RFNG: variants seen among roughly 807,000 people sequenced by gnomAD.
RFNG encodes RFNG O-fucosylpeptide 3-beta-N-acetylglucosaminyltransferase, also known as beta-1,3-N-acetylglucosaminyltransferase radical fringe.
In RFNG, 37 loss-of-function variants were observed where a neutral mutation model predicts 29.6. The observed-to-expected ratio is 1.25, with a 90% CI of 0.96 to 1.65. RFNG has a LOEUF of 1.65. RFNG is among the 40% of genes most tolerant of loss of function. The probability of loss-of-function intolerance (pLI) is 0.00; values close to 1 mark genes in which losing one functional copy is unlikely to be tolerated. For synonymous variants in RFNG, 276 were observed against 197.3 expected (o/e 1.40, Z -3.34); for missense variants, 546 against 457.0 (o/e 1.19, Z -1.78).
Position 82,051,456 on chromosome 17 carries a change from C to T in RFNG, c.267+44G>A. 1 of 1,327,982 alleles carries T rather than the reference C, an allele frequency of 7.5e-7. No individual in the cohort carries two copies. Among genetic ancestry groups the T allele is most frequent in the Non-Finnish European group, 9.6e-7 (1 of 1,036,594 alleles). 82.3% of individuals were successfully genotyped at this position (1,327,982 alleles called of 1,614,324 possible). On this transcript the variant is annotated intron_variant, in intron 1 of 7. Coordinates refer to ENST00000310496, the MANE Select transcript of RFNG (RefSeq NM_002917.2). The surrounding 1 kb of genome is among the most constrained non-coding windows in gnomAD (Gnocchi z 4.1). ...CGGGCCTAGACCCTGGGAGGCGGGGCGGGTGGGCGTGGGGCTCGCCGTCGG... is the reference window on the plus strand; with the variant it reads ...CGGGCCTAGACCCTGGGAGGCGGGGTGGGTGGGCGTGGGGCTCGCCGTCGG...
Position 82,048,718 on chromosome 17 carries a change from G to A in RFNG, c.*8C>T, listed in dbSNP as rs375953555. On this transcript the variant is annotated 3_prime_UTR_variant, in exon 8 of 8. Transcript: ENST00000310496. ...GAGCCAGGCAGCCCTGGGTCGGGGT[G>A]GTTGGTGTCACCGAGAGGTCGGGGC... The A allele has an allele frequency of 6.2e-7, 1 of 1,610,846 alleles. No homozygotes were observed. Among genetic ancestry groups the A allele is most frequent in the African/African-American group, 1.3e-5 (1 of 74,924 alleles).
chr17:82,050,069 G>C (rs368727098), intron 4 of RFNG, 63 bp from the exon 5 acceptor site: 2 of 1,353,552 alleles, frequency 1.5e-6, no homozygotes, highest in Non-Finnish European at 2.1e-6. Flanking sequence ...ACTCTTCATG[G>C]GACTCCCCAG....
chr17:82,049,069 G>A lies in RFNG; in HGVS notation c.876C>T (p.Asn292=), dbSNP rs202024621. 1.1e-5 allele frequency: 17 copies of A among 1,613,562 alleles called. No homozygotes were observed. The highest frequency in any genetic ancestry group is 4.5e-5 in the East Asian group (2 of 44,862). Residue 292 remains asparagine, a synonymous_variant, in exon 7 of 8, where the codon AAC becomes AAT. Transcript: ENST00000310496. ...GATGCAGGCTGAAGCCTCCAGCCACGTTCACCACGTTATGTGGGTTCTCAG... is the reference window on the plus strand; with the variant it reads ...GATGCAGGCTGAAGCCTCCAGCCACATTCACCACGTTATGTGGGTTCTCAG... ...GGPENPHNVV[N]VAGGFSLHQD...
chr17:82,050,918 C>G lies in RFNG; in HGVS notation c.317-154G>C, dbSNP rs150332806. On this transcript the variant is annotated intron_variant, in intron 2 of 7. Coordinates refer to ENST00000310496, the MANE Select transcript of RFNG (RefSeq NM_002917.2). ...GGTCCAACCACAGCCCTAGCCCTCA[C>G]GCGCTGACCCTGCTGGTGCCACCGA... 4.9e-3 allele frequency: 6,826 copies of G among 1,402,644 alleles called. 35 individuals carry two copies. The highest frequency in any genetic ancestry group is 9.9e-3 in the South Asian group (680 of 68,438). 86.9% of individuals were successfully genotyped at this position (1,402,644 alleles called of 1,614,324 possible).
intron 3 of RFNG, 33 bp from the exon 4 acceptor site, chr17:82,050,588 C>T: frequency 6.2e-7 from 1 of 1,608,274 alleles, no homozygotes. Flanking sequence ...GCACGAGGGC[C>T]TGGCATGGCT....
Position 82,051,239 on chromosome 17 carries a change from C to A in RFNG, c.316+55G>T. 7.6e-7 allele frequency: 1 copy of A among 1,323,154 alleles called. No homozygotes were observed. Among genetic ancestry groups the A allele is most frequent in the Non-Finnish European group, 9.7e-7 (1 of 1,032,666 alleles). The allele number at this position is 1,323,154 out of a possible 1,614,324, so 82.0% of individuals were successfully genotyped here. A position where few individuals can be genotyped will look rare whatever the true frequency, so the allele number is the denominator to read the frequency against. ...CAGCGAAGGGGCCGTGGCTTCGGAG[C>A]GAGAAAGGCTCGGGGGGCAGATCCC... On this transcript the variant is annotated intron_variant, in intron 2 of 7. Coordinates refer to ENST00000310496, the MANE Select transcript of RFNG (RefSeq NM_002917.2). This position sits in a 1 kb window ranked among gnomAD's most constrained non-coding sequence, Gnocchi z 4.1.
Position 82,050,541 on chromosome 17 carries a change from A to C in RFNG, c.434T>G (p.Val145Gly). 1 of 1,611,484 alleles carries C rather than the reference A, an allele frequency of 6.2e-7. No homozygotes were observed. ...IESGRKWFCH[V>G]DDDNYVNARS... ...GGCGTTCACATAATTGTCATCATCC[A>C]CGTGGCAAAACCACCTGTGGGCGAG... Residue 145 changes from valine (V) to glycine (G), a missense_variant, in exon 4 of 8, where the codon GTG becomes GGG. By Grantham distance (109) the Val-to-Gly change is moderately radical. Coordinates refer to ENST00000310496, the MANE Select transcript of RFNG (RefSeq NM_002917.2).
At chr17:82,050,872 C>T in intron 2 of RFNG, 108 bp from the exon 3 acceptor site, 4 of 1,420,518 alleles carry the variant, frequency 2.8e-6, no homozygotes, top group Non-Finnish European at 3.8e-6. Flanking sequence ...GGCTGTCTGA[C>T]ATGCCTGGAC....
At chr17:82,050,909 T>C (rs1459976458) in intron 2 of RFNG, 145 bp from the exon 3 acceptor site, 1 of 1,405,710 alleles carries the variant, frequency 7.1e-7, no homozygotes, top group Non-Finnish European at 9.4e-7. Flanking sequence ...ACCACAGCCC[T>C]AGCCCTCACG....
At position 82,050,644 on chromosome 17, in the gene RFNG, C is replaced by G; in HGVS notation, c.419+18G>C. The G allele has an allele frequency of 6.2e-7, 1 of 1,611,892 alleles. No individual in the cohort carries two copies. Among genetic ancestry groups the G allele is most frequent in the East Asian group, 2.2e-5 (1 of 44,870 alleles). ...GCTTGGCTCTGAGCTCTCTGCGGGT[C>G]GGGTCAGCGCCGCGTACTTGCGCCC... On this transcript the variant is annotated intron_variant, in intron 3 of 7. Coordinates refer to ENST00000310496, the MANE Select transcript of RFNG (RefSeq NM_002917.2).
chr17:82,051,786 G>C lies in RFNG; in HGVS notation c.-20C>G, dbSNP rs1277607281. On this transcript the variant is annotated 5_prime_UTR_variant, in exon 1 of 8. Transcript: ENST00000310496. This position sits in a 1 kb window ranked among gnomAD's most constrained non-coding sequence, Gnocchi z 4.1. ...GCTCATGCGGCCGCCGGGACCCCCGGCGCTGCGAGCGGAGAACCTGGCCGG... is the reference window on the plus strand; with the variant it reads ...GCTCATGCGGCCGCCGGGACCCCCGCCGCTGCGAGCGGAGAACCTGGCCGG... The C allele has an allele frequency of 1.8e-6, 2 of 1,118,702 alleles. No individual in the cohort carries two copies. The highest frequency in any genetic ancestry group is 2.2e-6 in the Non-Finnish European group (2 of 916,154). 69.3% of individuals were successfully genotyped at this position (1,118,702 alleles called of 1,614,324 possible).
rs1205025770 is a variant in RFNG, at chr17:82,049,035, T to C, written c.910A>G (p.Thr304Ala). The change falls in exon 7 of 8, where the codon ACA becomes GCA. Residue 304 changes from threonine to alanine, a missense_variant. Thr to Ala is a moderately conservative substitution (Grantham distance 58). Coordinates refer to ENST00000310496, the MANE Select transcript of RFNG (RefSeq NM_002917.2). ...CCCATGCCACTACCTACTCACCGTG[T>C]GGGGTCTTGATGCAGGCTGAAGCCT... ...AGGFSLHQDP[T>A]RFKSIHCLLY... The C allele has an allele frequency of 3.7e-6, 6 of 1,613,166 alleles. No individual in the cohort carries two copies. The highest frequency in any genetic ancestry group is 5.1e-6 in the Non-Finnish European group (6 of 1,179,854).
intron 4 of RFNG, 192 bp from the exon 5 acceptor site, chr17:82,050,198 T>C (rs2030263173): frequency 1.3e-6 from 1 of 775,924 alleles, no homozygotes; most frequent in Non-Finnish European, 2.0e-6. Context: ...CCTCCCCACC[T>C]GGCCCAGACA....
At position 82,051,327 on chromosome 17, in the gene RFNG, C is replaced by A; in HGVS notation, c.283G>T (p.Asp95Tyr). The A allele has an allele frequency of 1.4e-6, 2 of 1,449,534 alleles. No homozygotes were observed. Among genetic ancestry groups the A allele is most frequent in the Non-Finnish European group, 1.8e-6 (2 of 1,106,904 alleles). 89.8% of individuals were successfully genotyped at this position (1,449,534 alleles called of 1,614,324 possible). A position where few individuals can be genotyped will look rare whatever the true frequency, so the allele number is the denominator to read the frequency against. ...AGCTCGAGCTCAGGGTCGTCCCCGT[C>A]GGTGAAGATAAACGTCTGGGGGAGA... ...RARQQTFIFT[D>Y]GDDPELELQG... The change falls in exon 2 of 8, where the codon GAC becomes TAC. Residue 95 changes from aspartate (D) to tyrosine (Y), a missense_variant. Coordinates refer to ENST00000310496, the MANE Select transcript of RFNG (RefSeq NM_002917.2). The surrounding 1 kb of genome is among the most constrained non-coding windows in gnomAD (Gnocchi z 4.1).
rs2030626379 is a variant in RFNG, at chr17:82,051,631, G to A, written c.136C>T (p.Pro46Ser). 1.7e-6 allele frequency: 2 copies of A among 1,145,652 alleles called. No homozygotes were observed. Among genetic ancestry groups the A allele is most frequent in the Non-Finnish European group, 2.1e-6 (2 of 932,826 alleles). The allele number at this position is 1,145,652 out of a possible 1,614,324, so 71.0% of individuals were successfully genotyped here. ...CTGGGGGCAGCGGGCCGGGACGGGGGCGCGCGCGGGGCCGGGGCGGGGGTC... is the reference window on the plus strand; with the variant it reads ...CTGGGGGCAGCGGGCCGGGACGGGGACGCGCGCGGGGCCGGGGCGGGGGTC... ...ARTPAPAPRA[P>S]PSRPAAPSLR... Residue 46 changes from proline (P) to serine (S), a missense_variant, in exon 1 of 8, where the codon CCC becomes TCC. Coordinates refer to ENST00000310496, the MANE Select transcript of RFNG (RefSeq NM_002917.2). This position sits in a 1 kb window ranked among gnomAD's most constrained non-coding sequence, Gnocchi z 4.1.
rs1425036581 is a variant in RFNG, at chr17:82,049,103, T to C, written c.842A>G (p.His281Arg). The C allele has an allele frequency of 1.2e-6, 2 of 1,613,354 alleles. No homozygotes were observed. Among genetic ancestry groups the C allele is most frequent in the South Asian group, 1.1e-5 (1 of 91,076 alleles). Residue 281 changes from histidine to arginine, a missense_variant, in exon 7 of 8, where the codon CAT becomes CGT. Physicochemically the swap from His to Arg is conservative, Grantham distance 29. Transcript: ENST00000310496. Reference sequence around the variant, plus strand: ...GTTATGTGGGTTCTCAGGACCCCCATGGCTCAAGGTAACCTGGGAGGGAAG... The same window carrying C: ...GTTATGTGGGTTCTCAGGACCCCCACGGCTCAAGGTAACCTGGGAGGGAAG... ...DTLLQQVTLS[H>R]GGPENPHNVV...
chr17:82,048,379 C>G lies in RFNG; in HGVS notation c.*347G>C, dbSNP rs373360850. 5 of 320,808 alleles carry G rather than the reference C, an allele frequency of 1.6e-5. No individual in the cohort carries two copies. Among genetic ancestry groups the G allele is most frequent in the Non-Finnish European group, 1.8e-5 (3 of 166,290 alleles). 19.9% of individuals were successfully genotyped at this position (320,808 alleles called of 1,614,324 possible). A position where few individuals can be genotyped will look rare whatever the true frequency, so the allele number is the denominator to read the frequency against. On this transcript the variant is annotated 3_prime_UTR_variant, in exon 8 of 8. Transcript: ENST00000310496. ...CTTGACACCCAGCCAGCCTAGCACC[C>G]GCCTTCAGCAACAGGTAATGGAGCC...
Position 82,049,989 on chromosome 17 carries a change from G to T in RFNG, c.591C>A (p.Phe197Leu). 6.2e-7 allele frequency: 1 copy of T among 1,611,658 alleles called. No homozygotes were observed. The highest frequency in any genetic ancestry group is 1.1e-5 in the South Asian group (1 of 90,742). Residue 197 changes from phenylalanine to leucine, a missense_variant, in exon 5 of 8, where the codon TTC becomes TTA. Coordinates refer to ENST00000310496, the MANE Select transcript of RFNG (RefSeq NM_002917.2). ...ACCCGGCCCCACCAGTAGCAAACCA[G>T]AACTTGACCGTGGTCACCTGAAGAT... The part of the protein sequence containing the change: ...QGGRTVTTVK[F>L]WFATGGAGFC...
chr17:82,051,381 C>A lies in RFNG; in HGVS notation c.268-39G>T. On this transcript the variant is annotated intron_variant, in intron 1 of 7. Transcript: ENST00000310496. The surrounding 1 kb of genome is among the most constrained non-coding windows in gnomAD (Gnocchi z 4.1). ...AATCTATGAGGCTTCTGGGGCGCTGCCCAGGCCGGAGACCGACCCGCCCCG... is the reference window on the plus strand; with the variant it reads ...AATCTATGAGGCTTCTGGGGCGCTGACCAGGCCGGAGACCGACCCGCCCCG... The A allele has an allele frequency of 6.9e-7, 1 of 1,442,312 alleles. No homozygotes were observed. Among genetic ancestry groups the A allele is most frequent in the South Asian group, 1.6e-5 (1 of 62,434 alleles). The allele number at this position is 1,442,312 out of a possible 1,614,324, so 89.3% of individuals were successfully genotyped here. A position where few individuals can be genotyped will look rare whatever the true frequency, so the allele number is the denominator to read the frequency against.
Sources: allele counts gnomAD v4.1 joint callset, GRCh38; gene constraint gnomAD v4.1.1; non-coding constraint Gnocchi (gnomAD v3.1); transcripts MANE v1.5; gene names NCBI Gene and HGNC (gene_info 2026-07-23, HGNC 2026-07-21).